Variants in SPAG17 observed in about 807,000 individuals in gnomAD.
The protein encoded by SPAG17 is sperm associated antigen 17.
In SPAG17, 169 loss-of-function variants were observed where a neutral mutation model predicts 273.6. The ratio of observed to expected loss-of-function variants is 0.62; its 90% CI spans 0.55 to 0.70. The LOEUF is 0.70. Ranked by LOEUF, SPAG17 falls within the 30% of genes least tolerant of loss-of-function variation. The pLI is 0.00. For synonymous variants in SPAG17, 825 were observed against 873.2 expected (o/e 0.94, Z 0.97); for missense variants, 2,557 against 2,627.8 (o/e 0.97, Z 0.59).
intron 17 of SPAG17, among the ~76,000 whole-genome samples, chr1:118,072,219 CAACT>C (rs374137525): frequency 2.0e-5 from 3 of 152,044 alleles, no homozygotes; most frequent in African/African-American, 4.8e-5. Flanking sequence ...CTATAAAGCC[CAACT>C]GTCAGTCAAT....
chr1:117,969,362 A>C (rs76856499), intron 46 of SPAG17, among the ~76,000 whole-genome samples: 7,920 of 152,064 alleles, frequency 0.052, 448 homozygotes, highest in African/African-American at 0.13. Context: ...GGGTGGATAG[A>C]GAGGCCAAGA....
chr1:118,067,813 T>G (rs1449283581), intron 17 of SPAG17, among the ~76,000 whole-genome samples: 1 of 152,138 alleles, frequency 6.6e-6, no homozygotes, highest in Non-Finnish European at 1.5e-5. Flanking sequence ...AACTCTAAAT[T>G]TTACCATTTT....
At chr1:118,089,950 T>G (rs1655259002) in intron 10 of SPAG17, among the ~76,000 whole-genome samples, 2 of 152,198 alleles carry the variant, frequency 1.3e-5, no homozygotes, top group Non-Finnish European at 2.9e-5. Flanking sequence ...TTGTTCCTGC[T>G]GTCTTGTGAA....
At chr1:118,013,775 T>C (rs1659704065) in intron 29 of SPAG17, among the ~76,000 whole-genome samples, 1 of 152,186 alleles carries the variant, frequency 6.6e-6, no homozygotes, top group South Asian at 2.1e-4. Flanking sequence ...CTGGTCACCA[T>C]AGAATAGGAT....
intron 42 of SPAG17, among the ~76,000 whole-genome samples, chr1:117,981,979 AG>A (rs1655868999): frequency 6.6e-6 from 1 of 152,194 alleles, no homozygotes; most frequent in Non-Finnish European, 1.5e-5. Flanking sequence ...AGACTTCCGC[AG>A]TCTCACTCCA....
chr1:118,036,601 G>GACAC lies in SPAG17; in HGVS notation c.3433+165_3433+168dup, dbSNP rs35746934. The GACAC allele has an allele frequency of 4.0e-3, 2,004 of 495,722 alleles. 8 individuals are homozygous for GACAC. Among genetic ancestry groups the GACAC allele is most frequent in the East Asian group, 0.017 (514 of 29,406 alleles). 30.7% of individuals were successfully genotyped at this position (495,722 alleles called of 1,614,324 possible). The stretch of plus-strand genomic sequence containing the variant: ...TATATACTGTATACACACATATATA[G>GACAC]ACACACACACACACACACACACACC... On this transcript the variant is annotated intron_variant, in intron 24 of 48. Transcript: ENST00000336338.
rs373380843 is a variant in SPAG17 at position 118,086,956 on chromosome 1, G to C, written c.1412C>G (p.Pro471Arg). The C allele has an allele frequency of 1.3e-6, 2 of 1,593,534 alleles. No homozygotes were observed. ...LVPPSLREPS[P>R]RADGLDHRIA... The stretch of plus-strand genomic sequence containing the variant: ...TCTGTGGTCTAGCCCGTCTGCTCTG[G>C]GGGATGGCTCCCGCAGACTGGGTGG... Residue 471 changes from proline (P) to arginine (R), a missense_variant, in exon 11 of 49, where the codon CCC (proline) becomes CGC (arginine). By Grantham distance (103) the Pro-to-Arg change is moderately radical. Transcript: ENST00000336338.
intron 3 of SPAG17, among the ~76,000 whole-genome samples, chr1:118,117,314 G>T (rs988744771): frequency 1.4e-4 from 22 of 152,174 alleles, no homozygotes; most frequent in Non-Finnish European, 1.3e-4. Flanking sequence ...CTATGTCTGG[G>T]GGGTTTGGGT....
rs369807259 is a variant in SPAG17 at position 118,054,740 on chromosome 1, T to G, written c.2723-647A>C. ...TCTATTTATTTTTCTTTTCTTTTTT[T>G]GGGGGGTACTTAATGCTCTCCTTCT... On this transcript the variant is annotated intron_variant, in intron 19 of 48. Transcript: ENST00000336338. Among the ~76,000 whole-genome samples, 141 of 152,106 alleles carry G rather than the reference T, an allele frequency of 9.3e-4. 1 individual carries two copies. Among genetic ancestry groups the G allele is most frequent in the South Asian group, 2.5e-3 (12 of 4,822 alleles).
chr1:118,019,053 G>A (rs909413309), intron 28 of SPAG17, among the ~76,000 whole-genome samples: 302 of 104,968 alleles, frequency 2.9e-3, no homozygotes, highest in African/African-American at 0.01. Flanking sequence ...AAAAAAAAAT[G>A]CACTTTTATA....
intron 18 of SPAG17, among the ~76,000 whole-genome samples, chr1:118,065,730 T>C (rs1430708889): frequency 6.6e-6 from 1 of 151,934 alleles, no homozygotes; most frequent in Non-Finnish European, 1.5e-5. Context: ...TCCAGAAAAA[T>C]CATTTAATTG....
chr1:118,096,972 C>T (rs933967150), intron 7 of SPAG17, among the ~76,000 whole-genome samples: 1 of 152,064 alleles, frequency 6.6e-6, no homozygotes, highest in Non-Finnish European at 1.5e-5. Context: ...TGGTGGCTCA[C>T]GCCTGTAATC....
rs10923472 is a variant in SPAG17 at position 118,023,330 on chromosome 1, G to A, written c.4043C>T (p.Pro1348Leu). 685,765 of 1,608,694 alleles carry A rather than the reference G, an allele frequency of 0.43. 151,784 individuals carry two copies. Among genetic ancestry groups the A allele is most frequent in the Non-Finnish European group, 0.46 (540,333 of 1,176,540 alleles). The change falls in exon 28 of 49, where the codon CCA becomes CTA. Residue 1348 changes from proline (P) to leucine (L), a missense_variant. By Grantham distance (98) the Pro-to-Leu change is moderately conservative. Coordinates refer to ENST00000336338, the MANE Select transcript of SPAG17 (RefSeq NM_206996.4). Reference sequence around the variant, plus strand: ...TTTCTTTGTGTTGGTAATCTCAGATGGTATCGTTTCTGATTTCTGCTGAGA... The same window carrying A: ...TTTCTTTGTGTTGGTAATCTCAGATAGTATCGTTTCTGATTTCTGCTGAGA... ...SISQQKSETI[P>L]SEITNTKKGK... is the part of the protein sequence containing the mutation.
rs760920242 is a variant in SPAG17 at position 117,988,091 on chromosome 1, T to C, written c.5621+14A>G. 1.6e-5 allele frequency: 25 copies of C among 1,583,178 alleles called. No individual in the cohort carries two copies. The highest frequency in any genetic ancestry group is 2.1e-5 in the Non-Finnish European group (25 of 1,166,984). The stretch of plus-strand genomic sequence containing the variant: ...ACCTAATACTAATTAGAACACATTA[T>C]TGGATTAGCTTACCTCCATGTCTTT... On this transcript the variant is annotated intron_variant, in intron 39 of 48. Transcript: ENST00000336338.
intron 17 of SPAG17, among the ~76,000 whole-genome samples, chr1:118,071,900 G>A (rs2102091891): frequency 6.6e-6 from 1 of 151,688 alleles, no homozygotes; most frequent in Admixed American, 6.6e-5. Context: ...GGAGAGGAGA[G>A]ATTATCAAAG....
At position 118,028,264 on chromosome 1, in the gene SPAG17, T is replaced by C; in HGVS notation, c.3730+10A>G. 1.2e-6 allele frequency: 2 copies of C among 1,611,254 alleles called. No homozygotes were observed. Among genetic ancestry groups the C allele is most frequent in the Non-Finnish European group, 1.7e-6 (2 of 1,178,830 alleles). ...CCCTGCTTCCCCACCCTACCCCATA[T>C]AGCACTTACCTGTAGATTCTTGTCC... is the stretch of plus-strand genomic sequence containing the variant. On this transcript the variant is annotated intron_variant, in intron 26 of 48. Coordinates refer to ENST00000336338, the MANE Select transcript of SPAG17 (RefSeq NM_206996.4).
At chr1:118,064,960 A>T (rs1434350217) in intron 18 of SPAG17, among the ~76,000 whole-genome samples, 1 of 151,942 alleles carries the variant, frequency 6.6e-6, no homozygotes, top group Non-Finnish European at 1.5e-5. Flanking sequence ...ATCCAAGGAA[A>T]TTAAAGAGGA....
At chr1:117,987,463 A>G (rs1333153222) in intron 40 of SPAG17, among the ~76,000 whole-genome samples, 2 of 152,232 alleles carry the variant, frequency 1.3e-5, no homozygotes, top group Non-Finnish European at 2.9e-5. Context: ...AGCTAGGACT[A>G]AAAGGAAACC....
At position 118,150,582 on chromosome 1, in the gene SPAG17, T is replaced by C; in HGVS notation, c.276A>G (p.Ala92=). 6.3e-7 allele frequency: 1 copy of C among 1,582,754 alleles called. No individual in the cohort carries two copies. Among genetic ancestry groups the C allele is most frequent in the Admixed American group, 1.7e-5 (1 of 58,338 alleles). The part of the protein sequence containing the change: ...TLVGSASSKK[A]KKPVGGNAPL... ...GAGCATTACCACCTACAGGTTTTTT[T>C]GCCTTTTTAGATGAAGCAGATCCAA... The change falls in exon 3 of 49, where the codon GCA becomes GCG. Residue 92 remains alanine, a synonymous_variant. Transcript: ENST00000336338.
Sources: gnomAD v4.1 joint callset for allele counts (sites outside exome capture counted in the v4.1 genomes callset) on GRCh38, gnomAD v4.1.1 for gene constraint, MANE v1.5 for transcripts, NCBI Gene and HGNC (gene_info 2026-07-23, HGNC 2026-07-21) for gene names.